The following RCN1 variants were observed in gnomAD, a reference collection of about 807,000 sequenced individuals.
RCN1 encodes reticulocalbin-1.
A neutral mutation model predicts 34.7 loss-of-function variants in RCN1; 14 were observed. That is an observed-to-expected ratio of 0.40 (90% CI 0.27 to 0.63). RCN1 has a LOEUF of 0.63. Ranked by LOEUF, RCN1 falls within the 30% of genes least tolerant of loss-of-function variation. The pLI is 0.37. For missense variants in RCN1, 326 were observed against 425.1 expected (o/e 0.77, Z 2.05); for synonymous variants, 125 against 165.5 (o/e 0.76, Z 1.88).
rs552400957 is a variant in RCN1 at position 32,091,288 on chromosome 11, C to G, written c.92C>G (p.Pro31Arg). The change falls in exon 1 of 6, where the codon CCC (proline) becomes CGC (arginine). Residue 31 changes from proline to arginine, a missense_variant. Transcript: ENST00000054950. ...GCGCCGCGGGTTCTGCGGGCCAAGC[C>G]CACGGTGCGCAAAGAGCGCGTGGTG... ...VLAPRVLRAK[P>R]TVRKERVVRP... 5.2e-6 allele frequency: 8 copies of G among 1,543,998 alleles called. No homozygotes were observed. The highest frequency in any genetic ancestry group is 1.4e-5 in the African/African-American group (1 of 72,418).
chr11:32,092,553 G>T (rs1851934411), intron 1 of RCN1, among the ~76,000 whole-genome samples: 2 of 152,270 alleles, frequency 1.3e-5, no homozygotes, highest in South Asian at 4.2e-4. Context: ...GTTAAAGGCA[G>T]TTGAGTCAGG....
Position 32,104,565 on chromosome 11 carries a change from C to A in RCN1, c.*93C>A. ...TTGTCTAATTTACAGCAGTTGTGAT[C>A]CCACAAAAAGCAAGTTTATACCTCA... On this transcript the variant is annotated 3_prime_UTR_variant, in exon 6 of 6. Transcript: ENST00000054950. 2.7e-6 allele frequency: 2 copies of A among 748,690 alleles called. No homozygotes were observed. Among genetic ancestry groups the A allele is most frequent in the South Asian group, 1.8e-5 (1 of 54,800 alleles). 46.4% of individuals were successfully genotyped at this position (748,690 alleles called of 1,614,324 possible). A position where few individuals can be genotyped will look rare whatever the true frequency, so the allele number is the denominator to read the frequency against.
chr11:32,096,813 C>G (rs891763995), intron 1 of RCN1: 1 of 230,648 alleles, frequency 4.3e-6, no homozygotes, highest in African/African-American at 2.2e-5. Flanking sequence ...TTTCATCTTA[C>G]AGATCAGCTC....
intron 4 of RCN1, 84 bp downstream of exon 4, chr11:32,100,692 G>A (rs1852027888): frequency 4.6e-6 from 5 of 1,086,598 alleles, no homozygotes; most frequent in South Asian, 2.7e-5. Context: ...TTCCCCAGAC[G>A]TCTCTTTTAG....
chr11:32,097,134 T>TTA lies in RCN1; in HGVS notation c.255-10_255-9insTA. ...GTGTGGGTTTCTTTTTTTTTTTTTT[T>TTA]GTACTGCAGGAAGATTGTTGATCGA... On this transcript the variant is annotated splice_polypyrimidine_tract_variant and intron_variant, in intron 1 of 5. Transcript: ENST00000054950. The TTA allele has an allele frequency of 6.9e-7, 1 of 1,452,960 alleles. No homozygotes were observed. The highest frequency in any genetic ancestry group is 9.1e-7 in the Non-Finnish European group (1 of 1,102,262). The allele number at this position is 1,452,960 out of a possible 1,614,324, so 90.0% of individuals were successfully genotyped here. A position where few individuals can be genotyped will look rare whatever the true frequency, so the allele number is the denominator to read the frequency against.
chr11:32,101,528 G>A (rs1174874051), intron 4 of RCN1, among the ~76,000 whole-genome samples: 2 of 152,162 alleles, frequency 1.3e-5, no homozygotes, highest in African/African-American at 2.4e-5. Flanking sequence ...CTCTGGTTTT[G>A]TGGTTGTATT....
At position 32,105,687 on chromosome 11, in the gene RCN1, T is replaced by C. The variant is rs1343150601; in HGVS notation, c.*1215T>C. 6.6e-6 allele frequency: 1 copy of C among 152,220 alleles called. No homozygotes were observed. The highest frequency in any genetic ancestry group is 2.4e-5 in the African/African-American group (1 of 41,452). The allele number at this position is 152,220 out of a possible 1,614,324, so 9.4% of individuals were successfully genotyped here. A position where few individuals can be genotyped will look rare whatever the true frequency, so the allele number is the denominator to read the frequency against. On this transcript the variant is annotated 3_prime_UTR_variant, in exon 6 of 6. Coordinates refer to ENST00000054950, the MANE Select transcript of RCN1 (RefSeq NM_002901.4). ...TACTAGAATGTTCAGAATAGACTCA[T>C]ATTTACTAATTTAATAAATGTATGT... is the stretch of plus-strand genomic sequence containing the variant.
chr11:32,103,614 G>T, intron 5 of RCN1, 134 bp downstream of exon 5: 1 of 750,564 alleles, frequency 1.3e-6, no homozygotes, highest in South Asian at 1.7e-5. Flanking sequence ...GTCCTACAGT[G>T]GAGACCTGTA....
chr11:32,097,676 A>G (rs1239533394), intron 2 of RCN1, among the ~76,000 whole-genome samples: 1 of 152,220 alleles, frequency 6.6e-6, no homozygotes, highest in Non-Finnish European at 1.5e-5. Flanking sequence ...AATTCTGGAT[A>G]GCAAGGATTG....
chr11:32,100,815 G>A (rs1354249549), intron 4 of RCN1, among the ~76,000 whole-genome samples: 1 of 152,190 alleles, frequency 6.6e-6, no homozygotes, highest in African/African-American at 2.4e-5. Context: ...GTGGAGAAGA[G>A]ATGAAAAGGC....
chr11:32,099,771 A>G (rs1410067120), intron 3 of RCN1, among the ~76,000 whole-genome samples: 1 of 152,212 alleles, frequency 6.6e-6, no homozygotes, highest in South Asian at 2.1e-4. Context: ...GGGTCCACTC[A>G]TGCTTCATCC....
intron 4 of RCN1, 79 bp downstream of exon 4, chr11:32,100,687 C>T: frequency 8.6e-7 from 1 of 1,159,458 alleles, no homozygotes; most frequent in Non-Finnish European, 1.3e-6. Context: ...CTACTTTCCC[C>T]AGACGTCTCT....
chr11:32,101,727 T>C (rs1197263310), intron 4 of RCN1, among the ~76,000 whole-genome samples: 1 of 152,200 alleles, frequency 6.6e-6, no homozygotes, highest in Non-Finnish European at 1.5e-5. Flanking sequence ...GAATAACATA[T>C]GCTGACAGCT....
At position 32,093,694 on chromosome 11, in the gene RCN1, G is replaced by GA. The variant is rs200082293; in HGVS notation, c.254+2247dup. On this transcript the variant is annotated intron_variant, in intron 1 of 5. Coordinates refer to ENST00000054950, the MANE Select transcript of RCN1 (RefSeq NM_002901.4). ...GGAAGTGAGAGGTGAGAATGGAGGG[G>GA]AAACCAAGGGCAGAGCAGGAAGGAC... Among the ~76,000 whole-genome samples, 830 of 152,164 alleles carry GA rather than the reference G, an allele frequency of 5.5e-3. 17 individuals are homozygous for GA. The highest frequency in any genetic ancestry group is 0.019 in the African/African-American group (770 of 41,510).
chr11:32,102,016 G>A (rs923798458), intron 4 of RCN1: 2 of 152,154 alleles, frequency 1.3e-5, no homozygotes, highest in African/African-American at 4.8e-5. Flanking sequence ...AATAGGGAGA[G>A]GGAGGTGGAG....
At chr11:32,103,529 T>C (rs748549018) in intron 5 of RCN1, 49 bp downstream of exon 5, 40 of 1,546,848 alleles carry the variant, frequency 2.6e-5, no homozygotes, top group Non-Finnish European at 3.4e-5. Flanking sequence ...ACAGTTTACA[T>C]AAGATCGGTT....
intron 1 of RCN1, chr11:32,096,791 A>C (rs532613358): frequency 5.1e-6 from 1 of 197,670 alleles, no homozygotes; most frequent in Non-Finnish European, 1.0e-5. Context: ...TACAGCAGGG[A>C]AGATTAATAG....
chr11:32,098,330 TG>T lies in RCN1; in HGVS notation c.449-19del. Reference sequence around the variant, plus strand: ...TGACCGCACGGTTTAAAAACATTTCTGCATACATACATCCTGCAGGAAACCC... The same window carrying T: ...TGACCGCACGGTTTAAAAACATTTCTCATACATACATCCTGCAGGAAACCC... On this transcript the variant is annotated intron_variant, in intron 2 of 5. Coordinates refer to ENST00000054950, the MANE Select transcript of RCN1 (RefSeq NM_002901.4). The T allele has an allele frequency of 6.3e-7, 1 of 1,595,388 alleles. No individual in the cohort carries two copies.
chr11:32,095,477 G>A (rs559029083), intron 1 of RCN1, among the ~76,000 whole-genome samples: 17 of 152,028 alleles, frequency 1.1e-4, no homozygotes, highest in Non-Finnish European at 2.4e-4. Flanking sequence ...GCGTGATCTC[G>A]GCTCACTGCA....
Sources: allele counts gnomAD v4.1 joint callset (sites outside exome capture counted in the v4.1 genomes callset), GRCh38; gene constraint gnomAD v4.1.1; transcripts MANE v1.5; gene names NCBI Gene and HGNC (gene_info 2026-07-23, HGNC 2026-07-21).